Variants in CFAP54 observed in about 807,000 individuals in gnomAD.
CFAP54 encodes cilia and flagella associated protein 54.
A neutral mutation model predicts 370.4 loss-of-function variants in CFAP54; 290 were observed. The ratio of observed to expected loss-of-function variants is 0.78; its 90% CI spans 0.71 to 0.86. The LOEUF is 0.86. Among genes scored for constraint, CFAP54 ranks in the 40% least tolerant of loss-of-function variants. CFAP54 has a pLI of 0.00. For synonymous variants in CFAP54, 1,206 were observed against 1,236.5 expected (o/e 0.98, Z 0.52); for missense variants, 3,399 against 3,528.7 (o/e 0.96, Z 0.93).
chr12:96,791,183 G>A (rs996351603), intron 62 of CFAP54, among the ~76,000 whole-genome samples: 2 of 146,056 alleles, frequency 1.4e-5, no homozygotes, highest in African/African-American at 2.5e-5. Context: ...ATTGAAGAAC[G>A]CTTTTTTTTT....
intron 19 of CFAP54, among the ~76,000 whole-genome samples, chr12:96,565,898 G>A (rs1317354030): frequency 6.6e-6 from 1 of 152,176 alleles, no homozygotes; most frequent in African/African-American, 2.4e-5. Context: ...TGTTGTGGGA[G>A]GGACGAGGTG....
chr12:96,646,361 T>A (rs1956791529), intron 33 of CFAP54: 1 of 152,198 alleles, frequency 6.6e-6, no homozygotes, highest in South Asian at 2.1e-4. Context: ...TCATCATCAC[T>A]GGCCATCAGA....
chr12:96,609,286 G>A (rs954415895), intron 26 of CFAP54, among the ~76,000 whole-genome samples: 1 of 152,124 alleles, frequency 6.6e-6, no homozygotes, highest in Non-Finnish European at 1.5e-5. Flanking sequence ...TAAAAATTGA[G>A]TCTGAATTAA....
intron 66 of CFAP54, among the ~76,000 whole-genome samples, chr12:96,844,345 A>T (rs1959275685): frequency 6.6e-6 from 1 of 152,118 alleles, no homozygotes; most frequent in African/African-American, 2.4e-5. Context: ...CAGAGACAGG[A>T]GTGATGAGCC....
chr12:96,838,385 G>A (rs1166690893), intron 66 of CFAP54, among the ~76,000 whole-genome samples: 3 of 152,144 alleles, frequency 2.0e-5, no homozygotes, highest in Non-Finnish European at 4.4e-5. Context: ...CAGAGATGGT[G>A]TATTAGTCCA....
chr12:96,826,825 TATATA>T (rs1252525757), intron 65 of CFAP54, among the ~76,000 whole-genome samples: 7 of 113,748 alleles, frequency 6.2e-5, no homozygotes, highest in East Asian at 4.6e-4. Context: ...ATTAATATAT[TATATA>T]ATATATCATA....
intron 39 of CFAP54, among the ~76,000 whole-genome samples, chr12:96,672,811 G>GA (rs1305875387): frequency 1.3e-5 from 2 of 152,112 alleles, no homozygotes; most frequent in Non-Finnish European, 2.9e-5. Context: ...GAAAATATGT[G>GA]AAAAATGGTT....
intron 14 of CFAP54, among the ~76,000 whole-genome samples, chr12:96,542,088 G>C (rs1388906572): frequency 6.6e-6 from 1 of 152,108 alleles, no homozygotes; most frequent in Non-Finnish European, 1.5e-5. Flanking sequence ...TTACTTTGCT[G>C]TTTCACCCCA....
intron 48 of CFAP54, among the ~76,000 whole-genome samples, chr12:96,717,269 C>T (rs950071138): frequency 6.6e-6 from 1 of 152,012 alleles, no homozygotes; most frequent in African/African-American, 2.4e-5. Context: ...TTACTTTCTC[C>T]CTTAGGTGAA....
chr12:96,631,900 C>T (rs1172713029), intron 32 of CFAP54, among the ~76,000 whole-genome samples: 5 of 151,574 alleles, frequency 3.3e-5, no homozygotes, highest in Non-Finnish European at 7.4e-5. Flanking sequence ...CACAGCGTTG[C>T]GGTTTTCAAG....
chr12:96,565,153 T>A (rs1355795887), intron 19 of CFAP54: 4 of 153,070 alleles, frequency 2.6e-5, no homozygotes, highest in African/African-American at 9.6e-5. Flanking sequence ...TATGGACCAA[T>A]CCCCTTGTTG....
intron 64 of CFAP54, among the ~76,000 whole-genome samples, chr12:96,813,920 G>A (rs1368854443): frequency 6.6e-6 from 1 of 152,220 alleles, no homozygotes; most frequent in African/African-American, 2.4e-5. Flanking sequence ...AGGGGCAAAT[G>A]CATGCCAGAG....
chr12:96,603,342 T>C (rs547007815), intron 26 of CFAP54, among the ~76,000 whole-genome samples: 6 of 152,288 alleles, frequency 3.9e-5, no homozygotes, highest in Non-Finnish European at 7.4e-5. Flanking sequence ...GTCTGATGGG[T>C]TTCCCTTTGT....
chr12:96,619,397 GCT>G (rs1458236631), intron 26 of CFAP54, among the ~76,000 whole-genome samples: 2 of 152,088 alleles, frequency 1.3e-5, no homozygotes, highest in African/African-American at 4.8e-5. Context: ...TAGTCAAATG[GCT>G]CTGTTTCTTT....
intron 62 of CFAP54, among the ~76,000 whole-genome samples, chr12:96,789,166 T>C (rs1319179419): frequency 6.6e-6 from 1 of 152,196 alleles, no homozygotes; most frequent in East Asian, 1.9e-4. Flanking sequence ...TAAAATCTGT[T>C]GCGTGAGGAG....
Position 96,500,919 on chromosome 12 carries a change from G to C in CFAP54, c.403G>C (p.Asp135His), listed in dbSNP as rs756929346. Residue 135 changes from aspartate (D) to histidine (H), a missense_variant, in exon 2 of 68, where the codon GAT (aspartate) becomes CAT (histidine). This residue lies in a region of CFAP54 where 559 missense variants were observed against 576.7 expected (regional missense o/e 0.97). Transcript: ENST00000524981. ...YYNEKLLKVGDSLCQMKEYKL... is the reference protein window; with the variant it reads ...YYNEKLLKVGHSLCQMKEYKL... ...CAACGAAAAGCTTCTGAAGGTTGGA[G>C]ATAGCCTTTGTCAAATGAAAGTAAG... 6.5e-7 allele frequency: 1 copy of C among 1,534,942 alleles called. No homozygotes were observed. Among genetic ancestry groups the C allele is most frequent in the Non-Finnish European group, 8.7e-7 (1 of 1,146,024 alleles).
intron 26 of CFAP54, among the ~76,000 whole-genome samples, chr12:96,605,963 A>G (rs115350914): frequency 0.015 from 2,298 of 152,302 alleles, 65 homozygotes; most frequent in African/African-American, 0.052. Flanking sequence ...GGGTCCTGAG[A>G]CAAACTAGAG....
intron 64 of CFAP54, among the ~76,000 whole-genome samples, chr12:96,814,110 C>G (rs1958953396): frequency 1.3e-5 from 2 of 152,174 alleles, no homozygotes; most frequent in Admixed American, 1.3e-4. Flanking sequence ...CAGTGAAGTT[C>G]TGGACACTCA....
At position 96,693,807 on chromosome 12, in the gene CFAP54, A is replaced by AG; in HGVS notation, c.6351+1dup. The AG allele has an allele frequency of 6.4e-7, 1 of 1,554,394 alleles. No homozygotes were observed. The highest frequency in any genetic ancestry group is 8.9e-7 in the Non-Finnish European group (1 of 1,129,836). On this transcript the variant is annotated frameshift_variant and splice_region_variant, in exon 45 of 68. Coordinates refer to ENST00000524981, the MANE Select transcript of CFAP54 (RefSeq NM_001306084.2). LOFTEE classifies it high-confidence loss of function. The stretch of plus-strand genomic sequence containing the variant: ...AGAAATCTAGAAGCAAGAATCCTCA[A>AG]GGTATGTTACAAGCTTTTAAGACAT...
Sources: allele counts gnomAD v4.1 joint callset (sites outside exome capture counted in the v4.1 genomes callset), GRCh38; gene constraint gnomAD v4.1.1; regional missense constraint gnomAD v4.1.1; transcripts MANE v1.5; gene names NCBI Gene and HGNC (gene_info 2026-07-23, HGNC 2026-07-21).